The following BRWD1 variants were observed in gnomAD, a reference collection of about 807,000 sequenced individuals.
BRWD1 encodes the protein bromodomain and WD repeat-containing protein 1.
Under a neutral mutation model 251.2 loss-of-function variants are expected in BRWD1, and 82 were observed. The observed-to-expected ratio is 0.33, with a 90% CI of 0.27 to 0.39. The LOEUF (loss-of-function observed/expected upper bound fraction) is 0.39, where lower values mean the gene tolerates loss of function less well. Ranked by LOEUF, BRWD1 falls within the 10% of genes least tolerant of loss-of-function variation. BRWD1 has a pLI of 1.00. For synonymous variants in BRWD1, 918 were observed against 902.8 expected (o/e 1.02, Z -0.30); for missense variants, 2,233 against 2,711.6 (o/e 0.82, Z 3.92).
chr21:39,215,487 G>T, intron 31 of BRWD1, 125 bp from the exon 32 acceptor site: 2 of 787,620 alleles, frequency 2.5e-6, no homozygotes, highest in Non-Finnish European at 4.0e-6. Flanking sequence ...AAGTTATAAT[G>T]AATAACCTTC....
At chr21:39,312,394 C>T (rs1370061001) in intron 4 of BRWD1, among the ~76,000 whole-genome samples, 4 of 152,244 alleles carry the variant, frequency 2.6e-5, no homozygotes, top group African/African-American at 9.6e-5. Context: ...CATTTCTCCA[C>T]CTTCAGAGAC....
intron 21 of BRWD1, among the ~76,000 whole-genome samples, chr21:39,241,527 CTAAA>C (rs1423726494): frequency 6.6e-5 from 4 of 61,048 alleles, no homozygotes; most frequent in Non-Finnish European, 1.0e-4. Flanking sequence ...ATTTAAAAAT[CTAAA>C]TAAATAACAG....
In BRWD1 at chr21:39,271,322, C is replaced by T. The variant is rs912232585; in HGVS notation, c.1245-889G>A. ...AATAAAAAAGTGATATGCAAAGGGT[C>T]TCTGCATTACAGTAGTCAACAGTGG... is the stretch of plus-strand genomic sequence containing the variant. On this transcript the variant is annotated intron_variant, in intron 13 of 40. Coordinates refer to ENST00000342449, the MANE Select transcript of BRWD1 (RefSeq NM_033656.4). 2.2e-4 allele frequency among the ~76,000 whole-genome samples: 33 copies of T among 151,394 alleles called. 1 individual carries two copies. Among genetic ancestry groups the T allele is most frequent in the Non-Finnish European group, 2.9e-5 (2 of 67,936 alleles).
rs924355746 is a variant in BRWD1, at chr21:39,195,739, G to A, written c.*520C>T. On this transcript the variant is annotated 3_prime_UTR_variant, in exon 41 of 41. Coordinates refer to ENST00000342449, the MANE Select transcript of BRWD1 (RefSeq NM_033656.4). ...ATGCATTCTACTCAAGTAGCCAGGG[G>A]AAGAAAAAAAAAAAAGTGGTAGGTA... is the stretch of plus-strand genomic sequence containing the variant. The A allele has an allele frequency of 4.1e-5, 39 of 946,478 alleles. No homozygotes were observed. The highest frequency in any genetic ancestry group is 4.4e-5 in the African/African-American group (2 of 45,514). 58.6% of individuals were successfully genotyped at this position (946,478 alleles called of 1,614,324 possible).
At chr21:39,256,326 T>C (rs2034561672) in intron 18 of BRWD1, among the ~76,000 whole-genome samples, 1 of 152,252 alleles carries the variant, frequency 6.6e-6, no homozygotes, top group Non-Finnish European at 1.5e-5. Flanking sequence ...TGAAGACAGA[T>C]ACCTGAAATC....
intron 8 of BRWD1, among the ~76,000 whole-genome samples, chr21:39,291,673 C>T (rs779064183): frequency 6.6e-6 from 1 of 152,204 alleles, no homozygotes; most frequent in Non-Finnish European, 1.5e-5. Flanking sequence ...GGAGAAGGAC[C>T]AATCCTAACC....
At chr21:39,251,257 A>G (rs1301454457) in intron 19 of BRWD1, among the ~76,000 whole-genome samples, 2 of 152,186 alleles carry the variant, frequency 1.3e-5, no homozygotes, top group Non-Finnish European at 2.9e-5. Flanking sequence ...TATTCAAGCT[A>G]TGTTTGATAA....
chr21:39,311,933 C>T (rs1231811043), intron 4 of BRWD1, among the ~76,000 whole-genome samples: 2 of 152,168 alleles, frequency 1.3e-5, no homozygotes, highest in Non-Finnish European at 2.9e-5. Context: ...GGTCTTCCAA[C>T]TGTGGTAAAA....
Position 39,232,255 on chromosome 21 carries a change from A to G in BRWD1, c.2922T>C (p.Ala974=), listed in dbSNP as rs761799928. 2.5e-6 allele frequency: 4 copies of G among 1,613,386 alleles called. No homozygotes were observed. Among genetic ancestry groups the G allele is most frequent in the Non-Finnish European group, 3.4e-6 (4 of 1,179,650 alleles). The change falls in exon 25 of 41, where the codon GCT becomes GCC. Residue 974 remains alanine, a synonymous_variant. Transcript: ENST00000342449. ...TATTTCTTCTTACAGCCTCAATATAAGCTTCATGACCCTGTCGAAAATATA... is the reference window on the plus strand; with the variant it reads ...TATTTCTTCTTACAGCCTCAATATAGGCTTCATGACCCTGTCGAAAATATA... ...EVIYFRQGHE[A]YIEAVRRNNI...
intron 4 of BRWD1, among the ~76,000 whole-genome samples, chr21:39,311,351 CT>C (rs1252792336): frequency 6.6e-6 from 1 of 151,798 alleles, no homozygotes; most frequent in African/African-American, 2.4e-5. Flanking sequence ...GTTACTTATT[CT>C]TTGTGGAGAC....
chr21:39,286,016 C>CTTTTTTTTTTTTT lies in BRWD1; in HGVS notation c.832-5781_832-5769dup, dbSNP rs57151774. ...CATAACATAAAACTCACCATATGAA[C>CTTTTTTTTTTTTT]TTTTTTTTTTTTTTTGAGTCAAGAG... On this transcript the variant is annotated intron_variant, in intron 8 of 40. Transcript: ENST00000342449. 6.5e-4 allele frequency among the ~76,000 whole-genome samples: 68 copies of CTTTTTTTTTTTTT among 104,762 alleles called. 4 individuals are homozygous for CTTTTTTTTTTTTT. Among genetic ancestry groups the CTTTTTTTTTTTTT allele is most frequent in the Middle Eastern group, 6.6e-3 (1 of 152 alleles). 68.7% of individuals were successfully genotyped at this position (104,762 alleles called of 152,430 possible). A position where few individuals can be genotyped will look rare whatever the true frequency, so the allele number is the denominator to read the frequency against.
Position 39,238,523 on chromosome 21 carries a change from T to A in BRWD1, c.2532A>T (p.Glu844Asp). Reference sequence around the variant, plus strand: ...TCTCACTTTTTCTGTCACTTCTCCATTCATCCTCTTCTGAAGAACCAGAAC... The same window carrying A: ...TCTCACTTTTTCTGTCACTTCTCCAATCATCCTCTTCTGAAGAACCAGAAC... ...SEGSGSSEED[E>D]WRSDRKSESY... The change falls in exon 22 of 41, where the codon GAA (glutamate) becomes GAT (aspartate). Residue 844 changes from glutamate (E) to aspartate (D), a missense_variant. Glu to Asp is a conservative substitution (Grantham distance 45, BLOSUM62 2). Transcript: ENST00000342449. 6.2e-7 allele frequency: 1 copy of A among 1,613,746 alleles called. No homozygotes were observed. Among genetic ancestry groups the A allele is most frequent in the Non-Finnish European group, 8.5e-7 (1 of 1,179,778 alleles).
chr21:39,308,030 C>T (rs947687887), intron 4 of BRWD1, among the ~76,000 whole-genome samples: 1 of 152,152 alleles, frequency 6.6e-6, no homozygotes, highest in Non-Finnish European at 1.5e-5. Flanking sequence ...AGGCTCACAC[C>T]TGTAAACCAA....
At chr21:39,224,690 A>C (rs1025348494) in intron 28 of BRWD1, among the ~76,000 whole-genome samples, 1 of 152,212 alleles carries the variant, frequency 6.6e-6, no homozygotes, top group Non-Finnish European at 1.5e-5. Flanking sequence ...GTGAACAATA[A>C]CTGAAAGACA....
chr21:39,258,388 C>T, intron 18 of BRWD1, 99 bp downstream of exon 18: 1 of 1,040,206 alleles, frequency 9.6e-7, no homozygotes, highest in Non-Finnish European at 1.3e-6. Context: ...ACATTGTTTA[C>T]TTAAGTTTCT....
chr21:39,197,091 G>C lies in BRWD1; in HGVS notation c.5978C>G (p.Ala1993Gly). The change falls in exon 41 of 41, where the codon GCC (alanine) becomes GGC (glycine). Residue 1993 changes from alanine to glycine, a missense_variant. Physicochemically the swap from Ala to Gly is moderately conservative, Grantham distance 60 (BLOSUM62 0). Coordinates refer to ENST00000342449, the MANE Select transcript of BRWD1 (RefSeq NM_033656.4). Reference protein sequence around the residue: ...VHCEVPSEQYACEGKPPDPDS... With the variant: ...VHCEVPSEQYGCEGKPPDPDS... Reference sequence around the variant, plus strand: ...AGGATCAGGTGGCTTGCCTTCACAGGCATACTGTTCACTTGGTACTTCACA... The same window carrying C: ...AGGATCAGGTGGCTTGCCTTCACAGCCATACTGTTCACTTGGTACTTCACA... 6.2e-7 allele frequency: 1 copy of C among 1,614,094 alleles called. No homozygotes were observed. The highest frequency in any genetic ancestry group is 1.3e-5 in the African/African-American group (1 of 75,048).
chr21:39,300,051 C>G (rs1029656107), intron 4 of BRWD1, among the ~76,000 whole-genome samples: 3 of 152,110 alleles, frequency 2.0e-5, no homozygotes, highest in Admixed American at 6.6e-5. Flanking sequence ...GCAGGAAGAA[C>G]TGACCTCAGA....
rs756387695 is a variant in BRWD1, at chr21:39,198,923, A to G, written c.5493T>C (p.Asp1831=). ...TTTTATGACATTTCCCATCTTCTCTATCTTGCTCTTCAGATTCAGAGTCTT... is the reference window on the plus strand; with the variant it reads ...TTTTATGACATTTCCCATCTTCTCTGTCTTGCTCTTCAGATTCAGAGTCTT... The part of the protein sequence containing the change: ...DSEDSESEEQ[D]REDGKCHKME... Residue 1831 remains aspartate, a synonymous_variant, in exon 40 of 41, where the codon GAT becomes GAC. Coordinates refer to ENST00000342449, the MANE Select transcript of BRWD1 (RefSeq NM_033656.4). 7.3e-5 allele frequency: 118 copies of G among 1,613,928 alleles called. No homozygotes were observed. The highest frequency in any genetic ancestry group is 9.8e-5 in the Non-Finnish European group (116 of 1,180,018).
chr21:39,260,420 G>T (rs1369874357), intron 17 of BRWD1, among the ~76,000 whole-genome samples: 1 of 151,974 alleles, frequency 6.6e-6, no homozygotes, highest in Non-Finnish European at 1.5e-5. Flanking sequence ...GATTACAAGC[G>T]TGAGCCACTG....
Sources: allele counts gnomAD v4.1 joint callset (sites outside exome capture counted in the v4.1 genomes callset), GRCh38; gene constraint gnomAD v4.1.1; transcripts MANE v1.5; gene names NCBI Gene and HGNC (gene_info 2026-07-23, HGNC 2026-07-21).